The following CGNL1 variants were observed in gnomAD, a reference collection of about 807,000 sequenced individuals.
The protein encoded by CGNL1 is cingulin like 1.
In CGNL1, 132 loss-of-function variants were observed where a neutral mutation model predicts 141.2. The observed-to-expected ratio is 0.93, with a 90% CI of 0.81 to 1.08. The LOEUF is 1.08. CGNL1 is among the 50% of genes least tolerant of loss of function. The probability of loss-of-function intolerance (pLI) is 0.00; values close to 1 mark genes in which losing one functional copy is unlikely to be tolerated. For synonymous variants in CGNL1, 690 were observed against 622.1 expected, an observed-to-expected ratio of 1.11 and a Z score of -1.63; for missense variants, 1,870 against 1,588.6, an observed-to-expected ratio of 1.18 and a Z score of -3.01.
chr15:57,467,891 T>C (rs1282934148), intron 8 of CGNL1, among the ~76,000 whole-genome samples: 1 of 152,110 alleles, frequency 6.6e-6, no homozygotes, highest in Non-Finnish European at 1.5e-5. Flanking sequence ...GGTTTCACCA[T>C]GTTGGCCAGG....
At chr15:57,483,468 C>CTT (rs60667956) in intron 8 of CGNL1, among the ~76,000 whole-genome samples, 17,525 of 127,604 alleles carry the variant, frequency 0.14, 1,631 homozygotes, top group African/African-American at 0.25. Context: ...ACAAAGTTTT[C>CTT]TTTTTTTTTT....
intron 12 of CGNL1, 149 bp from the exon 13 acceptor site, chr15:57,528,505 G>C: frequency 2.8e-6 from 2 of 724,156 alleles, no homozygotes; most frequent in Non-Finnish European, 4.6e-6. Context: ...CCCAGAGGGA[G>C]GTAGGACTTG....
intron 8 of CGNL1, among the ~76,000 whole-genome samples, chr15:57,481,063 G>GT (rs1567144577): frequency 1.2e-3 from 121 of 105,100 alleles, no homozygotes; most frequent in East Asian, 4.6e-3. Context: ...AAAGACCTGG[G>GT]GTTTTTTTTT....
intron 1 of CGNL1, among the ~76,000 whole-genome samples, chr15:57,395,834 G>A (rs1185137208): frequency 6.6e-6 from 1 of 151,920 alleles, no homozygotes; most frequent in African/African-American, 2.4e-5. Flanking sequence ...CTGGTAAGTG[G>A]TTAGCGCCAT....
rs2030506690 is a variant in CGNL1 at position 57,513,377 on chromosome 15, G to T, written c.2404-3403G>T. On this transcript the variant is annotated intron_variant, in intron 8 of 18. Coordinates refer to ENST00000281282, the MANE Select transcript of CGNL1 (RefSeq NM_032866.5). ...GTGTCAGTATTTCATTCCTTTGAAT[G>T]GCCAAATAATATTCCATTCTATGGA... 2.6e-5 allele frequency among the ~76,000 whole-genome samples: 4 copies of T among 151,620 alleles called. No homozygotes were observed. The South Asian group carries it at 8.3e-4, about 32-fold the overall frequency.
intron 1 of CGNL1, among the ~76,000 whole-genome samples, chr15:57,414,048 A>T (rs982842174): frequency 5.9e-5 from 9 of 152,238 alleles, no homozygotes; most frequent in Admixed American, 1.3e-4. Flanking sequence ...ATGTGAAGAG[A>T]AGGTTTACTA....
chr15:57,502,536 C>T (rs2064039973), intron 8 of CGNL1, among the ~76,000 whole-genome samples: 1 of 152,078 alleles, frequency 6.6e-6, no homozygotes, highest in South Asian at 2.1e-4. Context: ...GAAATACAGG[C>T]CTGTTTTAAT....
chr15:57,545,828 C>A (rs1348559717), intron 17 of CGNL1, 128 bp downstream of exon 17: 5 of 800,680 alleles, frequency 6.2e-6, no homozygotes, highest in South Asian at 5.2e-5. Context: ...TTTCCACGCA[C>A]CCAGTCACAT....
intron 14 of CGNL1, among the ~76,000 whole-genome samples, chr15:57,532,064 A>C (rs941069631): frequency 6.6e-6 from 1 of 152,204 alleles, no homozygotes; most frequent in South Asian, 2.1e-4. Flanking sequence ...TTCATTAAGA[A>C]AGTGCCAATG....
At chr15:57,383,298 T>TTTTTTTTTG (rs1555428834) in intron 1 of CGNL1, among the ~76,000 whole-genome samples, 6 of 141,682 alleles carry the variant, frequency 4.2e-5, no homozygotes, top group Non-Finnish European at 7.6e-5. Context: ...CTTCCTTTTT[T>TTTTTTTTTG]TTTTTTTGTT....
chr15:57,529,957 T>G (rs2031859537), intron 13 of CGNL1, among the ~76,000 whole-genome samples: 1 of 152,270 alleles, frequency 6.6e-6, no homozygotes, highest in South Asian at 2.1e-4. Flanking sequence ...CTGTACATTT[T>G]GCTAATGTCC....
At chr15:57,404,181 C>T (rs1486904862) in intron 1 of CGNL1, among the ~76,000 whole-genome samples, 1 of 152,196 alleles carries the variant, frequency 6.6e-6, no homozygotes, top group African/African-American at 2.4e-5. Flanking sequence ...GGCAGTATTT[C>T]CAGGAAAGTA....
At chr15:57,396,030 T>C (rs1376170682) in intron 1 of CGNL1, among the ~76,000 whole-genome samples, 1 of 152,240 alleles carries the variant, frequency 6.6e-6, no homozygotes, top group African/African-American at 2.4e-5. Context: ...TCATACAGTA[T>C]GTACTCTTTG....
chr15:57,508,086 T>C (rs902279633), intron 8 of CGNL1, among the ~76,000 whole-genome samples: 25 of 152,328 alleles, frequency 1.6e-4, no homozygotes, highest in African/African-American at 5.8e-4. Context: ...TCCTTGGAAA[T>C]ATTTGGTACC....
intron 1 of CGNL1, chr15:57,405,844 T>TC: frequency 1.8e-5 from 2 of 112,486 alleles, no homozygotes; most frequent in African/African-American, 8.5e-5. Context: ...TTCTTTTCTT[T>TC]TTCTTTCTTT....
In CGNL1 at chr15:57,547,634, T is replaced by G; in HGVS notation, c.*144T>G. The G allele has an allele frequency of 3.3e-6, 3 of 898,346 alleles. No homozygotes were observed. Among genetic ancestry groups the G allele is most frequent in the Non-Finnish European group, 5.0e-6 (3 of 602,544 alleles). 55.6% of individuals were successfully genotyped at this position (898,346 alleles called of 1,614,324 possible). A position where few individuals can be genotyped will look rare whatever the true frequency, so the allele number is the denominator to read the frequency against. On this transcript the variant is annotated 3_prime_UTR_variant, in exon 19 of 19. Coordinates refer to ENST00000281282, the MANE Select transcript of CGNL1 (RefSeq NM_032866.5). Reference sequence around the variant, plus strand: ...AGCATGCCAGCTCCTCAGTGTTACATTCCTCGCCAGGGTCTCTCAGTGGGT... The same window carrying G: ...AGCATGCCAGCTCCTCAGTGTTACAGTCCTCGCCAGGGTCTCTCAGTGGGT...
At chr15:57,410,899 A>C (rs1427622532) in intron 1 of CGNL1, among the ~76,000 whole-genome samples, 1 of 152,202 alleles carries the variant, frequency 6.6e-6, no homozygotes, top group African/African-American at 2.4e-5. Flanking sequence ...CAGTGGGGAA[A>C]AATCAGATTT....
intron 8 of CGNL1, among the ~76,000 whole-genome samples, chr15:57,473,516 C>T (rs2063609351): frequency 6.6e-6 from 1 of 152,186 alleles, no homozygotes; most frequent in South Asian, 2.1e-4. Flanking sequence ...CCTCTTGCTC[C>T]ATTATAGTCC....
At chr15:57,386,167 A>C (rs2062480402) in intron 1 of CGNL1, among the ~76,000 whole-genome samples, 1 of 152,242 alleles carries the variant, frequency 6.6e-6, no homozygotes, top group Non-Finnish European at 1.5e-5. Context: ...ACATATAAAT[A>C]GCCATGCTAA....
Sources: allele counts gnomAD v4.1 joint callset (sites outside exome capture counted in the v4.1 genomes callset), GRCh38; gene constraint gnomAD v4.1.1; transcripts MANE v1.5; gene names NCBI Gene and HGNC (gene_info 2026-07-23, HGNC 2026-07-21).